Variants in SHC2 observed in about 807,000 individuals in gnomAD.
SHC2 encodes SHC adaptor protein 2, also known as SHC-transforming protein 2.
In SHC2, 62 loss-of-function variants were observed where a neutral mutation model predicts 60.6. The ratio of observed to expected loss-of-function variants is 1.02; its 90% CI spans 0.83 to 1.26. The LOEUF (loss-of-function observed/expected upper bound fraction) is 1.26, where lower values mean the gene tolerates loss of function less well. Among genes scored for constraint, SHC2 ranks in the 50% most tolerant of loss-of-function variants. The pLI is 0.00. For synonymous variants in SHC2, 375 were observed against 372.4 expected, an observed-to-expected ratio of 1.01 and a Z score of -0.08; for missense variants, 873 against 822.2, an observed-to-expected ratio of 1.06 and a Z score of -0.76.
Position 436,274 on chromosome 19 carries a change from A to C in SHC2, c.844T>G (p.Cys282Gly). 1.3e-6 allele frequency: 2 copies of C among 1,594,280 alleles called. No homozygotes were observed. The highest frequency in any genetic ancestry group is 1.1e-5 in the South Asian group (1 of 88,412). The change falls in exon 7 of 13, where the codon TGC becomes GGC. Residue 282 changes from cysteine to glycine, a missense_variant. By Grantham distance (159) the Cys-to-Gly change is radical (BLOSUM62 -3). Transcript: ENST00000264554. Reference sequence around the variant, plus strand: ...ATGCTCTGTGCCAGGCCCTCACAGCACTCCAGGATGTGGCAGGCTGCGGGC... The same window carrying C: ...ATGCTCTGTGCCAGGCCCTCACAGCCCTCCAGGATGTGGCAGGCTGCGGGC... The part of the protein sequence containing the change: ...INQRACHILE[C>G]CEGLAQSIIS...
At chr19:458,562 G>GT (rs1242800491) in intron 1 of SHC2, among the ~76,000 whole-genome samples, 1 of 142,158 alleles carries the variant, frequency 7.0e-6, no homozygotes, top group African/African-American at 2.7e-5. Flanking sequence ...GTGGAAGCGG[G>GT]TCCTGGGGAG....
chr19:418,873 G>T, intron 12 of SHC2, 50 bp downstream of exon 12: 4 of 1,548,546 alleles, frequency 2.6e-6, no homozygotes, highest in South Asian at 2.4e-5. Context: ...AATCAGAAAA[G>T]AATCTGGCAA....
chr19:436,319 C>T (rs765595856), intron 6 of SHC2, 28 bp from the exon 7 acceptor site: 13 of 1,581,578 alleles, frequency 8.2e-6, no homozygotes, highest in African/African-American at 4.0e-5. Context: ...ATGCAGCCTC[C>T]GAGCCACACG....
chr19:447,261 A>G (rs1192199327), intron 1 of SHC2, among the ~76,000 whole-genome samples: 1 of 148,282 alleles, frequency 6.7e-6, no homozygotes. Flanking sequence ...AGACAGGCCG[A>G]TCCACAGAGG....
intron 11 of SHC2, chr19:419,820 C>A (rs1974228493): frequency 6.6e-6 from 1 of 152,264 alleles, no homozygotes; most frequent in Admixed American, 6.5e-5. Context: ...AGCGCTGGAA[C>A]TGGATGCAAA....
intron 9 of SHC2, among the ~76,000 whole-genome samples, chr19:428,486 CTGA>C: frequency 6.6e-6 from 1 of 152,336 alleles, no homozygotes; most frequent in Non-Finnish European, 1.5e-5. Flanking sequence ...GGAAGAACCC[CTGA>C]TGTTTGCCCC....
intron 9 of SHC2, among the ~76,000 whole-genome samples, chr19:428,648 T>C (rs1974479725): frequency 6.6e-6 from 1 of 152,144 alleles, no homozygotes; most frequent in African/African-American, 2.4e-5. Context: ...GGCTGCCTGA[T>C]CAGGGAGGCA....
chr19:429,560 A>T (rs59082809), intron 9 of SHC2, among the ~76,000 whole-genome samples: 4,398 of 148,142 alleles, frequency 0.03, 134 homozygotes, highest in East Asian at 0.23. Flanking sequence ...GTGCACAGAA[A>T]CCTAACACCG....
In SHC2 at chr19:422,379, C is replaced by T; in HGVS notation, c.1387G>A (p.Asp463Asn). ...GVTAAPLPLE[D>N]QWPSPPTRRA... ...CGGGTAGGGGGGCTGGGCCACTGGT[C>T]CTCCAAGGGAAGAGGGGCTGCTGTC... is the stretch of plus-strand genomic sequence containing the variant. The change falls in exon 11 of 13, where the codon GAC (aspartate) becomes AAC (asparagine). Residue 463 changes from aspartate to asparagine, a missense_variant. Transcript: ENST00000264554. The surrounding 1 kb of genome is among the most constrained non-coding windows in gnomAD (Gnocchi z 5.0). 2 of 1,602,398 alleles carry T rather than the reference C, an allele frequency of 1.2e-6. No individual in the cohort carries two copies. The highest frequency in any genetic ancestry group is 1.7e-5 in the Admixed American group (1 of 58,678).
At position 441,130 on chromosome 19, in the gene SHC2, C is replaced by A. The variant is rs76765123; in HGVS notation, c.469-198G>T. ...CTGTCCTGCGAGCCGCCCCCTCTGACTCCAGGCATGTTTTTCTGTGTTGCT... is the reference window on the plus strand; with the variant it reads ...CTGTCCTGCGAGCCGCCCCCTCTGAATCCAGGCATGTTTTTCTGTGTTGCT... On this transcript the variant is annotated intron_variant, in intron 1 of 12. Coordinates refer to ENST00000264554, the MANE Select transcript of SHC2 (RefSeq NM_012435.3). The surrounding 1 kb of genome is among the most constrained non-coding windows in gnomAD (Gnocchi z 4.9). 1.0e-6 allele frequency: 1 copy of A among 985,056 alleles called. No homozygotes were observed. Among genetic ancestry groups the A allele is most frequent in the Non-Finnish European group, 1.2e-6 (1 of 829,866 alleles). 61.0% of individuals were successfully genotyped at this position (985,056 alleles called of 1,614,324 possible). A position where few individuals can be genotyped will look rare whatever the true frequency, so the allele number is the denominator to read the frequency against.
Position 430,712 on chromosome 19 carries a change from C to A in SHC2, c.1146G>T (p.Leu382=). The change falls in exon 9 of 13, where the codon CTG becomes CTT. Residue 382 remains leucine, a synonymous_variant. Coordinates refer to ENST00000264554, the MANE Select transcript of SHC2 (RefSeq NM_012435.3). The part of the protein sequence containing the change: ...PSPSLRDACS[L]PWDVGSTGTA... Reference sequence around the variant, plus strand: ...TACCGGTGGACCCCACGTCCCATGGCAGGCTGCAGGCATCTCTTAGAGAAG... The same window carrying A: ...TACCGGTGGACCCCACGTCCCATGGAAGGCTGCAGGCATCTCTTAGAGAAG... The A allele has an allele frequency of 6.2e-7, 1 of 1,613,076 alleles. No homozygotes were observed. Among genetic ancestry groups the A allele is most frequent in the Non-Finnish European group, 8.5e-7 (1 of 1,179,816 alleles).
At chr19:418,069 T>TG (rs1181251603) in intron 12 of SHC2, among the ~76,000 whole-genome samples, 1 of 150,264 alleles carries the variant, frequency 6.7e-6, no homozygotes, top group Non-Finnish European at 1.5e-5. Context: ...GGAGAGACCA[T>TG]GAGATCACCC....
Position 441,628 on chromosome 19 carries a change from C to T in SHC2, c.469-696G>A, listed in dbSNP as rs1030809339. Among the ~76,000 whole-genome samples the T allele has an allele frequency of 5.3e-5, 8 of 152,202 alleles. No individual in the cohort carries two copies. In the East Asian group the frequency reaches 7.7e-4, roughly 15 times the overall value. Reference sequence around the variant, plus strand: ...AGCCCACGTCATCTCTATGAAATGTCCTACAGAGGCAGCAAGAGCATGTGT... The same window carrying T: ...AGCCCACGTCATCTCTATGAAATGTTCTACAGAGGCAGCAAGAGCATGTGT... On this transcript the variant is annotated intron_variant, in intron 1 of 12. Transcript: ENST00000264554. This position sits in a 1 kb window ranked among gnomAD's most constrained non-coding sequence, Gnocchi z 4.9.
chr19:442,777 G>A (rs1974922213), intron 1 of SHC2, among the ~76,000 whole-genome samples: 1 of 139,084 alleles, frequency 7.2e-6, no homozygotes. Context: ...GTGGATGGAT[G>A]GATGGATGGG....
chr19:456,648 G>C (rs752908185), intron 1 of SHC2, among the ~76,000 whole-genome samples: 7 of 145,948 alleles, frequency 4.8e-5, no homozygotes, highest in Admixed American at 1.3e-4. Flanking sequence ...GGCTCTCCTT[G>C]CCGTGACGCA....
In SHC2 at chr19:440,463, A is replaced by G. The variant is rs1600302617; in HGVS notation, c.539+399T>C. Among the ~76,000 whole-genome samples, 1 of 152,158 alleles carries G rather than the reference A, an allele frequency of 6.6e-6. No homozygotes were observed. The highest frequency in any genetic ancestry group is 1.5e-5 in the Non-Finnish European group (1 of 68,026). On this transcript the variant is annotated intron_variant, in intron 2 of 12. Coordinates refer to ENST00000264554, the MANE Select transcript of SHC2 (RefSeq NM_012435.3). The surrounding 1 kb of genome is among the most constrained non-coding windows in gnomAD (Gnocchi z 7.0). ...CCCTGCTTAAGCCCTGGCCATATCC[A>G]CAGCCCCTGTGATTGCTTTCCAGAC...
chr19:443,877 T>G (rs981704751), intron 1 of SHC2, among the ~76,000 whole-genome samples: 358 of 39,252 alleles, frequency 9.1e-3, no homozygotes, highest in Admixed American at 0.013. Context: ...TGGATGGATG[T>G]GTAGGTGGAT....
At position 438,914 on chromosome 19, in the gene SHC2, C is replaced by G; in HGVS notation, c.600+56G>C. 6.4e-7 allele frequency: 1 copy of G among 1,554,456 alleles called. No individual in the cohort carries two copies. Among genetic ancestry groups the G allele is most frequent in the Non-Finnish European group, 8.7e-7 (1 of 1,147,026 alleles). On this transcript the variant is annotated intron_variant, in intron 3 of 12. Coordinates refer to ENST00000264554, the MANE Select transcript of SHC2 (RefSeq NM_012435.3). This position sits in a 1 kb window ranked among gnomAD's most constrained non-coding sequence, Gnocchi z 5.0. ...GGGGCTCCCAGGATGGCCGCAGCGT[C>G]CCCACAGCCCCCGACTGCCCCACCA...
chr19:450,233 G>T (rs367791218), intron 1 of SHC2, among the ~76,000 whole-genome samples: 32 of 152,238 alleles, frequency 2.1e-4, no homozygotes, highest in Non-Finnish European at 3.7e-4. Context: ...CTTCCTCCAG[G>T]CATCTTGTGG....
Sources: gnomAD v4.1 joint callset for allele counts (sites outside exome capture counted in the v4.1 genomes callset) on GRCh38, gnomAD v4.1.1 for gene constraint, Gnocchi (gnomAD v3.1) non-coding constraint, MANE v1.5 for transcripts, NCBI Gene and HGNC (gene_info 2026-07-23, HGNC 2026-07-21) for gene names.